RASEF: variants seen among roughly 807,000 people sequenced by gnomAD.
RASEF encodes the protein ras and EF-hand domain-containing protein.
RASEF carries 68 observed loss-of-function variants against 90.1 expected under a neutral mutation model. That is an observed-to-expected ratio of 0.75 (90% CI 0.62 to 0.92). RASEF has a LOEUF of 0.92. Among genes scored for constraint, RASEF ranks in the 40% least tolerant of loss-of-function variants. The probability of loss-of-function intolerance (pLI) is 0.00; values close to 1 mark genes in which losing one functional copy is unlikely to be tolerated. For synonymous variants in RASEF, 331 were observed against 345.2 expected (o/e 0.96, Z 0.46); for missense variants, 949 against 937.2 (o/e 1.01, Z -0.16).
At chr9:83,011,214 T>C (rs1307158316) in intron 5 of RASEF, among the ~76,000 whole-genome samples, 1 of 151,932 alleles carries the variant, frequency 6.6e-6, no homozygotes, top group Admixed American at 6.6e-5. Context: ...TGAAAAGAAA[T>C]TGCAGAACAT....
chr9:82,992,152 C>T (rs183069036), intron 15 of RASEF, among the ~76,000 whole-genome samples: 1 of 152,062 alleles, frequency 6.6e-6, no homozygotes, highest in Non-Finnish European at 1.5e-5. Flanking sequence ...ACGTATGCTA[C>T]AGAGTAGTCC....
At chr9:83,208,393 G>C in the RASEF span, among the ~76,000 whole-genome samples, 1 of 152,196 alleles carries the variant, frequency 6.6e-6, no homozygotes, top group African/African-American at 2.4e-5. Flanking sequence ...CCTCCCCCAG[G>C]TTCCTCTAAA....
intron 1 of RASEF, among the ~76,000 whole-genome samples, chr9:83,058,270 C>G (rs904301703): frequency 1.4e-5 from 2 of 145,768 alleles, no homozygotes; most frequent in Non-Finnish European, 3.0e-5. Flanking sequence ...GCAAGCTCCG[C>G]CTCCCGGGTT....
chr9:83,057,282 G>C (rs1198869493), intron 1 of RASEF, among the ~76,000 whole-genome samples: 2 of 152,102 alleles, frequency 1.3e-5, no homozygotes, highest in Non-Finnish European at 2.9e-5. Context: ...CTTATATCTA[G>C]AAAACCCTAA....
chr9:83,006,913 A>T (rs1353185769), intron 7 of RASEF, among the ~76,000 whole-genome samples: 1 of 151,930 alleles, frequency 6.6e-6, no homozygotes, highest in East Asian at 1.9e-4. Flanking sequence ...CTAACAAGGT[A>T]AAATGCCGTC....
At chr9:83,032,211 GT>G in intron 1 of RASEF, among the ~76,000 whole-genome samples, 1 of 152,138 alleles carries the variant, frequency 6.6e-6, no homozygotes, top group Non-Finnish European at 1.5e-5. Flanking sequence ...GACGTCAAAG[GT>G]TAAACAAGCA....
the RASEF span, among the ~76,000 whole-genome samples, chr9:83,149,414 T>A: frequency 6.6e-6 from 1 of 152,018 alleles, no homozygotes; most frequent in Non-Finnish European, 1.5e-5. Flanking sequence ...GGAAGAGACA[T>A]TACACTGAAG....
intron 16 of RASEF, among the ~76,000 whole-genome samples, chr9:82,986,566 C>T (rs1828716107): frequency 6.6e-6 from 1 of 152,194 alleles, no homozygotes; most frequent in African/African-American, 2.4e-5. Flanking sequence ...AGGCATGCTC[C>T]ACTTTAAGGA....
At position 83,000,477 on chromosome 9, in the gene RASEF, T is replaced by C. The variant is rs1829011402; in HGVS notation, c.1531A>G (p.Ile511Val). The change falls in exon 11 of 17, where the codon ATT becomes GTT. Residue 511 changes from isoleucine (I) to valine (V), a missense_variant. This residue lies in a region of RASEF where 288 missense variants were observed against 328.4 expected (regional missense o/e 0.88). Transcript: ENST00000376447. ...ATGGGCTTTCTTGATGAACTAACAATGCTGCCTTCACTAACAGACCCTTGG... is the reference window on the plus strand; with the variant it reads ...ATGGGCTTTCTTGATGAACTAACAACGCTGCCTTCACTAACAGACCCTTGG... ...KPQGSVSEGS[I>V]VSSSRKPISA... 6.2e-7 allele frequency: 1 copy of C among 1,614,162 alleles called. No homozygotes were observed.
chr9:83,157,036 G>A, the RASEF span, among the ~76,000 whole-genome samples: 1 of 152,166 alleles, frequency 6.6e-6, no homozygotes, highest in Admixed American at 6.5e-5. Context: ...TAAAGTCCTA[G>A]ATACAGGAGA....
the RASEF span, among the ~76,000 whole-genome samples, chr9:83,116,248 T>C: frequency 6.6e-6 from 1 of 152,236 alleles, no homozygotes; most frequent in Non-Finnish European, 1.5e-5. Flanking sequence ...TTGTATACTT[T>C]GCCAGTCAGA....
chr9:83,208,094 G>A, the RASEF span, among the ~76,000 whole-genome samples: 13 of 152,162 alleles, frequency 8.5e-5, no homozygotes, highest in Admixed American at 7.9e-4. Flanking sequence ...TGGAGCTGTC[G>A]CTGTCGCAGG....
At chr9:83,154,677 A>G in the RASEF span, among the ~76,000 whole-genome samples, 1 of 151,908 alleles carries the variant, frequency 6.6e-6, no homozygotes, top group South Asian at 2.1e-4. Context: ...CTCTCTTTCT[A>G]CCCCATGGTG....
At chr9:83,188,246 T>C in the RASEF span, among the ~76,000 whole-genome samples, 1 of 152,210 alleles carries the variant, frequency 6.6e-6, no homozygotes. Flanking sequence ...AATAGCAAGA[T>C]TGTATTAACT....
intron 3 of RASEF, among the ~76,000 whole-genome samples, chr9:83,017,427 G>T (rs1472290435): frequency 6.6e-6 from 1 of 152,086 alleles, no homozygotes; most frequent in East Asian, 1.9e-4. Context: ...GTGAACCCGG[G>T]AGGTGGAGCC....
At position 83,062,909 on chromosome 9, in the gene RASEF, G is replaced by A; in HGVS notation, c.-42C>T. On this transcript the variant is annotated 5_prime_UTR_variant, in exon 1 of 17. Coordinates refer to ENST00000376447, the MANE Select transcript of RASEF (RefSeq NM_152573.4). ...GGCCGAGAGGGCTCCGGAGCGCCGCGGGGCGCAGGGCCCTCCCTGGAAGGA... is the reference window on the plus strand; with the variant it reads ...GGCCGAGAGGGCTCCGGAGCGCCGCAGGGCGCAGGGCCCTCCCTGGAAGGA... 1.4e-6 allele frequency: 2 copies of A among 1,402,186 alleles called. No homozygotes were observed. Among genetic ancestry groups the A allele is most frequent in the South Asian group, 3.2e-5 (2 of 62,232 alleles). The allele number at this position is 1,402,186 out of a possible 1,614,324, so 86.9% of individuals were successfully genotyped here.
the RASEF span, among the ~76,000 whole-genome samples, chr9:83,210,946 C>T: frequency 0.033 from 5,064 of 152,214 alleles, 289 homozygotes; most frequent in African/African-American, 0.12. Context: ...GTCCATCATC[C>T]CTGAATAATT....
At chr9:83,095,132 T>C in the RASEF span, among the ~76,000 whole-genome samples, 67 of 152,256 alleles carry the variant, frequency 4.4e-4, no homozygotes, top group African/African-American at 1.5e-3. Context: ...GAACCACTAG[T>C]TGACAAGTGC....
chr9:83,117,028 T>C, the RASEF span, among the ~76,000 whole-genome samples: 1 of 152,216 alleles, frequency 6.6e-6, no homozygotes, highest in Non-Finnish European at 1.5e-5. Context: ...AACTTACTTC[T>C]ATGCCTTATG....
Sources: allele counts gnomAD v4.1 joint callset (sites outside exome capture counted in the v4.1 genomes callset), GRCh38; gene constraint gnomAD v4.1.1; regional missense constraint gnomAD v4.1.1; transcripts MANE v1.5; gene names NCBI Gene and HGNC (gene_info 2026-07-23, HGNC 2026-07-21).